CERT1: variants seen among roughly 807,000 people sequenced by gnomAD.
The protein encoded by CERT1 is ceramide transporter 1, also known as ceramide transfer protein.
CERT1 carries 31 observed loss-of-function variants against 87.9 expected under a neutral mutation model. The observed-to-expected ratio is 0.35, with a 90% CI of 0.27 to 0.48. CERT1 has a LOEUF of 0.48. CERT1 is among the 20% of genes least tolerant of loss of function. The pLI, the probability that CERT1 is intolerant of heterozygous loss-of-function variation, is 0.99. For missense variants in CERT1, 487 were observed against 758.0 expected, an observed-to-expected ratio of 0.64 and a Z score of 4.20; for synonymous variants, 289 against 250.9, an observed-to-expected ratio of 1.15 and a Z score of -1.44.
chr5:75,396,850 G>C (rs1275909985), intron 11 of CERT1, among the ~76,000 whole-genome samples: 5 of 151,990 alleles, frequency 3.3e-5, no homozygotes, highest in Non-Finnish European at 7.4e-5. Flanking sequence ...AGTCTCTATA[G>C]GGTGTGAGAA....
At chr5:75,374,772 C>G (rs1347889124), downstream of CERT1, 1 of 547,876 alleles carries the variant, frequency 1.8e-6, no homozygotes, top group Non-Finnish European at 3.5e-6. Context: ...TTTAGACCTG[C>G]GGGTGCTGCC....
intron 3 of CERT1, among the ~76,000 whole-genome samples, chr5:75,457,923 TGTG>T (rs1765062668): frequency 6.8e-6 from 1 of 146,898 alleles, no homozygotes. Flanking sequence ...TGTGTGTGTG[TGTG>T]GTGTGTGTGT....
At position 75,511,478 on chromosome 5, in the gene CERT1, C is replaced by A; in HGVS notation, c.-271G>T. ...CCGTCGCCGTGACCCCTGCGTTGCG[C>A]CCGGCGCTGCCACCCGAACTTAGCC... is the stretch of plus-strand genomic sequence containing the variant. On this transcript the variant is annotated 5_prime_UTR_variant, in exon 1 of 17. Coordinates refer to ENST00000643780, the MANE Select transcript of CERT1 (RefSeq NM_001379029.1). The A allele has an allele frequency of 2.7e-6, 4 of 1,506,174 alleles. No homozygotes were observed. Among genetic ancestry groups the A allele is most frequent in the Non-Finnish European group, 3.5e-6 (4 of 1,127,690 alleles). The allele number at this position is 1,506,174 out of a possible 1,614,324, so 93.3% of individuals were successfully genotyped here.
At chr5:75,374,406 T>G (rs1761206091), downstream of CERT1, 5 of 563,740 alleles carry the variant, frequency 8.9e-6, no homozygotes, top group Non-Finnish European at 1.6e-5. Flanking sequence ...ATATGGAATT[T>G]TTCAAAAGTT....
intron 8 of CERT1, among the ~76,000 whole-genome samples, chr5:75,409,534 C>CT (rs201311429): frequency 0.079 from 11,888 of 150,068 alleles, 552 homozygotes; most frequent in South Asian, 0.17. Flanking sequence ...AATATCAACA[C>CT]TTTTTTTTTT....
chr5:75,399,463 A>G lies in CERT1; in HGVS notation c.1111-76T>C, dbSNP rs1326740180. 7.7e-6 allele frequency: 8 copies of G among 1,044,592 alleles called. No individual in the cohort carries two copies. The African/African-American group carries it at 1.1e-4, about 14-fold the overall frequency. 64.7% of individuals were successfully genotyped at this position (1,044,592 alleles called of 1,614,324 possible). A position where few individuals can be genotyped will look rare whatever the true frequency, so the allele number is the denominator to read the frequency against. On this transcript the variant is annotated intron_variant, in intron 10 of 16. Coordinates refer to ENST00000643780, the MANE Select transcript of CERT1 (RefSeq NM_001379029.1). ...CAGAGCATTCAGTACCAACTTCCAA[A>G]CACAAGATAAAGGGAAGAGAAAACA...
chr5:75,486,922 G>T (rs1412968269), intron 2 of CERT1, among the ~76,000 whole-genome samples: 2 of 152,056 alleles, frequency 1.3e-5, no homozygotes, highest in Non-Finnish European at 2.9e-5. Flanking sequence ...ACAATCTACA[G>T]ATTTGATGCA....
chr5:75,497,820 G>C (rs1181238137), intron 2 of CERT1, among the ~76,000 whole-genome samples: 2 of 152,144 alleles, frequency 1.3e-5, no homozygotes, highest in African/African-American at 4.8e-5. Context: ...CGTAGAGAGT[G>C]GGGTGCTGCT....
At chr5:75,398,642 C>A (rs1053457779) in intron 11 of CERT1, among the ~76,000 whole-genome samples, 1 of 152,126 alleles carries the variant, frequency 6.6e-6, no homozygotes, top group Non-Finnish European at 1.5e-5. Context: ...CTAAAAAAAA[C>A]TTCTTCCAAT....
intron 2 of CERT1, among the ~76,000 whole-genome samples, chr5:75,485,312 C>CA (rs757349878): frequency 0.099 from 4,619 of 46,444 alleles, 344 homozygotes; most frequent in African/African-American, 0.25. Context: ...CACAAAAATA[C>CA]AAAAAAAAAA....
chr5:75,421,431 TTATC>T (rs1308086177), intron 5 of CERT1, among the ~76,000 whole-genome samples: 1 of 152,210 alleles, frequency 6.6e-6, no homozygotes, highest in Non-Finnish European at 1.5e-5. Flanking sequence ...TCATAAACTA[TTATC>T]TATTAATACC....
intron 7 of CERT1, among the ~76,000 whole-genome samples, chr5:75,414,456 GACTT>G (rs1277555881): frequency 9.2e-5 from 14 of 152,198 alleles, no homozygotes; most frequent in African/African-American, 3.1e-4. Context: ...TAATATTAAA[GACTT>G]ACAGGAAAGT....
At chr5:75,499,000 A>C (rs1049194713) in intron 2 of CERT1, among the ~76,000 whole-genome samples, 2 of 152,242 alleles carry the variant, frequency 1.3e-5, no homozygotes, top group Admixed American at 1.3e-4. Flanking sequence ...CTCTTGCATA[A>C]GAGTGACCTG....
At chr5:75,410,537 G>A (rs943373882) in intron 8 of CERT1, among the ~76,000 whole-genome samples, 2 of 151,116 alleles carry the variant, frequency 1.3e-5, no homozygotes, top group East Asian at 1.9e-4. Flanking sequence ...GTGAACCCGG[G>A]AGGCGGAGCT....
At chr5:75,412,614 A>G (rs921644917) in intron 7 of CERT1, among the ~76,000 whole-genome samples, 3 of 152,234 alleles carry the variant, frequency 2.0e-5, no homozygotes, top group Admixed American at 2.0e-4. Context: ...CTACACATCT[A>G]GGCTATAAAC....
chr5:75,509,501 A>T (rs1561313714), intron 1 of CERT1, among the ~76,000 whole-genome samples: 1 of 152,148 alleles, frequency 6.6e-6, no homozygotes, highest in Non-Finnish European at 1.5e-5. Flanking sequence ...TAAGCTATTC[A>T]CCTTCCATAG....
chr5:75,484,140 T>G (rs553789718), intron 2 of CERT1, among the ~76,000 whole-genome samples: 5 of 152,138 alleles, frequency 3.3e-5, no homozygotes, highest in African/African-American at 1.2e-4. Context: ...TTGTTTCTTT[T>G]TGTAACCAGT....
chr5:75,502,311 T>TG (rs1361640144), intron 2 of CERT1, among the ~76,000 whole-genome samples: 3 of 152,120 alleles, frequency 2.0e-5, no homozygotes, highest in African/African-American at 7.2e-5. Context: ...CCTCAATACT[T>TG]GCGGGTAAGG....
chr5:75,388,586 T>C (rs938090841), intron 12 of CERT1, among the ~76,000 whole-genome samples: 3 of 130,134 alleles, frequency 2.3e-5, no homozygotes, highest in African/African-American at 5.5e-5. Flanking sequence ...TGGAGCCAAG[T>C]ATAGCATGCA....
Sources: gnomAD v4.1 joint callset for allele counts (sites outside exome capture counted in the v4.1 genomes callset) on GRCh38, gnomAD v4.1.1 for gene constraint, MANE v1.5 for transcripts, NCBI Gene and HGNC (gene_info 2026-07-23, HGNC 2026-07-21) for gene names.